CTNND2: variants seen among roughly 807,000 people sequenced by gnomAD.
CTNND2 encodes the protein catenin delta-2.
In CTNND2, 22 loss-of-function variants were observed where a neutral mutation model predicts 144.4. The observed-to-expected ratio is 0.15, with a 90% CI of 0.11 to 0.22. The LOEUF (loss-of-function observed/expected upper bound fraction) is 0.22, where lower values mean the gene tolerates loss of function less well. Ranked by LOEUF, CTNND2 falls within the 10% of genes least tolerant of loss-of-function variation. CTNND2 has a pLI of 1.00. For synonymous variants in CTNND2, 751 were observed against 695.6 expected, an observed-to-expected ratio of 1.08 and a Z score of -1.25; for missense variants, 1,353 against 1,618.8, an observed-to-expected ratio of 0.84 and a Z score of 2.82.
At chr5:11,279,807 G>T (rs1410750501) in intron 9 of CTNND2, among the ~76,000 whole-genome samples, 3 of 152,134 alleles carry the variant, frequency 2.0e-5, no homozygotes, top group Admixed American at 2.0e-4. Context: ...GGTGAAAGCA[G>T]GAGCAAGAGA....
intron 1 of CTNND2, among the ~76,000 whole-genome samples, chr5:11,754,649 G>T (rs967898342): frequency 2.6e-5 from 4 of 151,782 alleles, no homozygotes; most frequent in Non-Finnish European, 4.4e-5. Context: ...TGTCTTGGGT[G>T]CATATACATA....
chr5:11,569,737 G>A (rs945657634), intron 2 of CTNND2, among the ~76,000 whole-genome samples: 2 of 152,184 alleles, frequency 1.3e-5, no homozygotes, highest in South Asian at 2.1e-4. Flanking sequence ...CAATATTGAG[G>A]CTTCTTCATT....
chr5:11,505,915 C>T (rs1561488409), intron 3 of CTNND2, among the ~76,000 whole-genome samples: 1 of 152,144 alleles, frequency 6.6e-6, no homozygotes, highest in East Asian at 1.9e-4. Flanking sequence ...GGGTTTTCCT[C>T]TCTTCGATGG....
intron 8 of CTNND2, among the ~76,000 whole-genome samples, chr5:11,364,347 C>A (rs539979677): frequency 1.1e-4 from 17 of 152,308 alleles, no homozygotes; most frequent in Middle Eastern, 3.4e-3. Context: ...ATCAAGCATA[C>A]GTCTTTCACG....
At chr5:11,742,626 C>A (rs1317376668) in intron 1 of CTNND2, among the ~76,000 whole-genome samples, 1 of 151,944 alleles carries the variant, frequency 6.6e-6, no homozygotes, top group African/African-American at 2.4e-5. Flanking sequence ...TACCTTATAC[C>A]CAAGTGAATA....
At chr5:11,215,770 T>A (rs1467813156) in intron 10 of CTNND2, among the ~76,000 whole-genome samples, 2 of 152,172 alleles carry the variant, frequency 1.3e-5, no homozygotes, top group African/African-American at 4.8e-5. Context: ...CCTGGAAGAC[T>A]ACCAAAAGGG....
In CTNND2 at chr5:11,903,483, G is replaced by T; in HGVS notation, c.37+334C>A. 1.5e-6 allele frequency: 1 copy of T among 678,228 alleles called. No homozygotes were observed. The highest frequency in any genetic ancestry group is 2.0e-6 in the Non-Finnish European group (1 of 507,914). The allele number at this position is 678,228 out of a possible 1,614,324, so 42.0% of individuals were successfully genotyped here. On this transcript the variant is annotated intron_variant, in intron 1 of 21. Transcript: ENST00000304623. The surrounding 1 kb of genome is among the most constrained non-coding windows in gnomAD (Gnocchi z 5.4). ...GGGACGTCATGAATGCACCGAGTAT[G>T]TTCTCAGGGTGGCGGGGAGCAGCAT... is the stretch of plus-strand genomic sequence containing the variant.
intron 1 of CTNND2, among the ~76,000 whole-genome samples, chr5:11,830,819 T>G (rs890110913): frequency 2.0e-5 from 3 of 152,000 alleles, no homozygotes; most frequent in African/African-American, 7.2e-5. Flanking sequence ...AGGAGTGAGT[T>G]AAACAGACCT....
intron 9 of CTNND2, among the ~76,000 whole-genome samples, chr5:11,249,837 T>C (rs976011305): frequency 2.6e-5 from 4 of 151,382 alleles, no homozygotes; most frequent in African/African-American, 9.7e-5. Flanking sequence ...TCTACAGTCA[T>C]TAGTGTCCAT....
intron 9 of CTNND2, among the ~76,000 whole-genome samples, chr5:11,284,278 A>T (rs1312961560): frequency 6.6e-6 from 1 of 151,528 alleles, no homozygotes; most frequent in Non-Finnish European, 1.5e-5. Context: ...TTTTTATTTT[A>T]TTTTTTTAAG....
At chr5:11,306,271 C>T (rs1400970771) in intron 9 of CTNND2, among the ~76,000 whole-genome samples, 2 of 152,170 alleles carry the variant, frequency 1.3e-5, no homozygotes, top group Non-Finnish European at 2.9e-5. Context: ...TAAACAGATT[C>T]ATGATATATT....
chr5:11,687,869 G>A (rs1428459507), intron 2 of CTNND2, among the ~76,000 whole-genome samples: 1 of 152,120 alleles, frequency 6.6e-6, no homozygotes, highest in Non-Finnish European at 1.5e-5. Flanking sequence ...AAGTGGCATT[G>A]GACCAAAGAT....
At chr5:11,122,975 C>G (rs754946230) in intron 12 of CTNND2, among the ~76,000 whole-genome samples, 3 of 152,044 alleles carry the variant, frequency 2.0e-5, no homozygotes, top group Non-Finnish European at 4.4e-5. Context: ...GACGCTTGAC[C>G]AAGGATAAGG....
intron 2 of CTNND2, among the ~76,000 whole-genome samples, chr5:11,612,641 T>C (rs1312437131): frequency 6.6e-6 from 1 of 152,214 alleles, no homozygotes; most frequent in Admixed American, 6.5e-5. Context: ...GGCTCATGCC[T>C]ATAATTCCAG....
At chr5:11,806,176 T>C (rs1227276374) in intron 1 of CTNND2, among the ~76,000 whole-genome samples, 1 of 152,078 alleles carries the variant, frequency 6.6e-6, no homozygotes, top group Non-Finnish European at 1.5e-5. Context: ...TTAATAACAA[T>C]ACAGCAATAC....
intron 11 of CTNND2, among the ~76,000 whole-genome samples, chr5:11,168,408 C>T (rs1250705735): frequency 1.3e-5 from 2 of 152,156 alleles, no homozygotes; most frequent in Admixed American, 6.5e-5. Flanking sequence ...TAGTGGCCAT[C>T]TGTAAAAGTC....
intron 1 of CTNND2, among the ~76,000 whole-genome samples, chr5:11,893,150 C>T (rs1421015471): frequency 6.6e-6 from 1 of 152,170 alleles, no homozygotes; most frequent in Non-Finnish European, 1.5e-5. Context: ...TGTAAACATA[C>T]AGTATTTATG....
chr5:11,143,959 G>C (rs1438758274), intron 12 of CTNND2, among the ~76,000 whole-genome samples: 1 of 150,984 alleles, frequency 6.6e-6, no homozygotes, highest in African/African-American at 2.4e-5. Flanking sequence ...GTCTGCACCA[G>C]CTAGGGGTTC....
chr5:11,223,116 C>T (rs1391852880), intron 10 of CTNND2, among the ~76,000 whole-genome samples: 1 of 152,172 alleles, frequency 6.6e-6, no homozygotes, highest in Non-Finnish European at 1.5e-5. Flanking sequence ...CTCTCTGCCA[C>T]CCCATATCTT....
Sources: allele counts gnomAD v4.1 joint callset (sites outside exome capture counted in the v4.1 genomes callset), GRCh38; gene constraint gnomAD v4.1.1; non-coding constraint Gnocchi (gnomAD v3.1); transcripts MANE v1.5; gene names NCBI Gene and HGNC (gene_info 2026-07-23, HGNC 2026-07-21).